RIMS1: variants seen among roughly 807,000 people sequenced by gnomAD.
The protein encoded by RIMS1 is regulating synaptic membrane exocytosis 1.
In RIMS1, 83 loss-of-function variants were observed where a neutral mutation model predicts 214.1. That is an observed-to-expected ratio of 0.39 (90% CI 0.32 to 0.47). The LOEUF (loss-of-function observed/expected upper bound fraction) is 0.47, where lower values mean the gene tolerates loss of function less well. RIMS1 is among the 20% of genes least tolerant of loss of function. The pLI is 0.99. For missense variants in RIMS1, 2,050 were observed against 2,161.8 expected (o/e 0.95, Z 1.03); for synonymous variants, 793 against 786.8 (o/e 1.01, Z -0.13).
intron 2 of RIMS1, among the ~76,000 whole-genome samples, chr6:72,074,976 C>T (rs2153750417): frequency 6.6e-6 from 1 of 152,200 alleles, no homozygotes; most frequent in East Asian, 1.9e-4. Flanking sequence ...ATTAAGACAT[C>T]AAATCTCACA....
chr6:72,198,906 G>A (rs150111015), intron 6 of RIMS1, among the ~76,000 whole-genome samples: 4 of 151,920 alleles, frequency 2.6e-5, no homozygotes, highest in South Asian at 2.1e-4. Flanking sequence ...TTTTATTCTC[G>A]TTCTGAGAAT....
At chr6:72,397,152 TA>T (rs1489065576) in intron 31 of RIMS1, among the ~76,000 whole-genome samples, 1 of 152,162 alleles carries the variant, frequency 6.6e-6, no homozygotes, top group East Asian at 1.9e-4. Flanking sequence ...TAACTACCAG[TA>T]TTTAACATTC....
At position 72,402,644 on chromosome 6, in the gene RIMS1, C is replaced by T. The variant is rs1231120642; in HGVS notation, c.*1930C>T. The stretch of plus-strand genomic sequence containing the variant: ...TAGGAGGAACTGAAGCATTGGTGCA[C>T]TTCTACTAGATTCCGTTCTGTCTTA... On this transcript the variant is annotated 3_prime_UTR_variant, in exon 34 of 34. Coordinates refer to ENST00000521978, the MANE Select transcript of RIMS1 (RefSeq NM_014989.7). The T allele has an allele frequency of 6.6e-6, 1 of 152,642 alleles. No individual in the cohort carries two copies. Among genetic ancestry groups the T allele is most frequent in the Admixed American group, 6.5e-5 (1 of 15,274 alleles). The allele number at this position is 152,642 out of a possible 1,614,324, so 9.5% of individuals were successfully genotyped here. A position where few individuals can be genotyped will look rare whatever the true frequency, so the allele number is the denominator to read the frequency against.
At chr6:72,158,050 T>C (rs1479974632) in intron 4 of RIMS1, among the ~76,000 whole-genome samples, 1 of 140,928 alleles carries the variant, frequency 7.1e-6, no homozygotes, top group African/African-American at 2.5e-5. Flanking sequence ...ATGACAAATA[T>C]GTTAAATTAT....
chr6:71,950,481 C>A (rs994630408), intron 1 of RIMS1, among the ~76,000 whole-genome samples: 1 of 152,068 alleles, frequency 6.6e-6, no homozygotes, highest in African/African-American at 2.4e-5. Context: ...AAAACCAGAA[C>A]TTGGATATTG....
rs750329493 is a variant in RIMS1 at position 72,333,584 on chromosome 6, T to G, written c.4131-16T>G. ...TAATTTATGGATGCATATATGTTTT[T>G]ACTTTGTAAATATAGTTCATTTACC... On this transcript the variant is annotated splice_polypyrimidine_tract_variant and intron_variant, in intron 28 of 33. Coordinates refer to ENST00000521978, the MANE Select transcript of RIMS1 (RefSeq NM_014989.7). The G allele has an allele frequency of 1.9e-6, 3 of 1,546,508 alleles. No individual in the cohort carries two copies. The South Asian group carries it at 3.6e-5, about 18-fold the overall frequency.
At chr6:72,019,581 G>A (rs766420208) in intron 2 of RIMS1, among the ~76,000 whole-genome samples, 6 of 152,130 alleles carry the variant, frequency 3.9e-5, no homozygotes, top group African/African-American at 1.4e-4. Flanking sequence ...ATCAAATGTG[G>A]ATTTATATTT....
At chr6:72,201,273 C>T (rs1274598761) in intron 6 of RIMS1, among the ~76,000 whole-genome samples, 3 of 152,084 alleles carry the variant, frequency 2.0e-5, no homozygotes, top group Non-Finnish European at 4.4e-5. Context: ...ATGCTTACAA[C>T]TTTAATATAG....
chr6:72,235,385 A>T (rs1046772409), intron 7 of RIMS1, among the ~76,000 whole-genome samples: 4 of 151,836 alleles, frequency 2.6e-5, no homozygotes, highest in Admixed American at 1.3e-4. Context: ...ATTATCCTCT[A>T]TTTTACTTTG....
chr6:72,091,905 A>G (rs1836334399), intron 2 of RIMS1, among the ~76,000 whole-genome samples: 1 of 152,242 alleles, frequency 6.6e-6, no homozygotes. Flanking sequence ...AAATTTCACA[A>G]AAAGGTTTTA....
At position 72,337,049 on chromosome 6, in the gene RIMS1, C is replaced by T. The variant is rs943197895; in HGVS notation, c.4366+3214C>T. On this transcript the variant is annotated intron_variant, in intron 29 of 33. Transcript: ENST00000521978. ...TTAGATTTCTCTCTTAAAATAACTT[C>T]GGATTCTCTTAATTTTCAGCCCTTA... 6.6e-5 allele frequency among the ~76,000 whole-genome samples: 10 copies of T among 151,812 alleles called. No individual in the cohort carries two copies. In the South Asian group the frequency reaches 8.3e-4, roughly 13 times the overall value.
Position 72,401,497 on chromosome 6 carries a change from G to A in RIMS1, c.*783G>A, listed in dbSNP as rs150486970. 4 of 152,680 alleles carry A rather than the reference G, an allele frequency of 2.6e-5. No homozygotes were observed. In the East Asian group the frequency reaches 7.7e-4, roughly 29 times the overall value. 9.5% of individuals were successfully genotyped at this position (152,680 alleles called of 1,614,324 possible). On this transcript the variant is annotated 3_prime_UTR_variant, in exon 34 of 34. Transcript: ENST00000521978. ...TTTTTAATGAAGAGCCTATCTGTTTGCATTCTAGAAAATTAATTTATGGTT... is the reference window on the plus strand; with the variant it reads ...TTTTTAATGAAGAGCCTATCTGTTTACATTCTAGAAAATTAATTTATGGTT...
chr6:72,217,375 A>G, intron 6 of RIMS1: 1 of 705,874 alleles, frequency 1.4e-6, no homozygotes, highest in Non-Finnish European at 2.2e-6. Context: ...GTTTTGCTTT[A>G]TATAAATATG....
chr6:72,233,571 A>C (rs2062841712), intron 6 of RIMS1, among the ~76,000 whole-genome samples: 1 of 151,176 alleles, frequency 6.6e-6, no homozygotes, highest in Admixed American at 6.6e-5. Flanking sequence ...GTAGTCATTC[A>C]TTGTATGAAG....
At chr6:72,354,065 C>T (rs894131610) in intron 29 of RIMS1, among the ~76,000 whole-genome samples, 3 of 152,062 alleles carry the variant, frequency 2.0e-5, no homozygotes, top group Non-Finnish European at 4.4e-5. Flanking sequence ...ACTGCAAATA[C>T]AAAAATTAGC....
chr6:72,061,264 A>G (rs927216542), intron 2 of RIMS1, among the ~76,000 whole-genome samples: 15 of 152,318 alleles, frequency 9.8e-5, no homozygotes, highest in Admixed American at 7.2e-4. Flanking sequence ...TACAAACTAT[A>G]AAAAAACTGT....
At chr6:72,339,407 A>G (rs1246741236) in intron 29 of RIMS1, among the ~76,000 whole-genome samples, 6 of 151,898 alleles carry the variant, frequency 4.0e-5, no homozygotes, top group South Asian at 2.1e-4. Context: ...AGCATTAGGT[A>G]TATCTCCTAA....
At chr6:72,263,467 T>C (rs887781508) in intron 19 of RIMS1, 9 of 980,002 alleles carry the variant, frequency 9.2e-6, no homozygotes, top group Admixed American at 1.2e-4. Flanking sequence ...AGCCAATAAG[T>C]GGCAAAGCCA....
At position 72,313,496 on chromosome 6, in the gene RIMS1, T is replaced by A. The variant is rs1265624642; in HGVS notation, c.3964-10T>A. 6.2e-7 allele frequency: 1 copy of A among 1,610,834 alleles called. No individual in the cohort carries two copies. Among genetic ancestry groups the A allele is most frequent in the Non-Finnish European group, 8.5e-7 (1 of 1,178,162 alleles). On this transcript the variant is annotated splice_polypyrimidine_tract_variant and intron_variant, in intron 27 of 33. Coordinates refer to ENST00000521978, the MANE Select transcript of RIMS1 (RefSeq NM_014989.7). The stretch of plus-strand genomic sequence containing the variant: ...GATGGAGCTCACACTTTCTTGTTTT[T>A]AATCTTTAGTATAACATACATAAAG...
Sources: allele counts gnomAD v4.1 joint callset (sites outside exome capture counted in the v4.1 genomes callset), GRCh38; gene constraint gnomAD v4.1.1; transcripts MANE v1.5; gene names NCBI Gene and HGNC (gene_info 2026-07-23, HGNC 2026-07-21).